Variants in PLCG2 observed in about 807,000 individuals in gnomAD.
PLCG2 encodes 1-phosphatidylinositol 4,5-bisphosphate phosphodiesterase gamma-2.
In PLCG2, 69 loss-of-function variants were observed where a neutral mutation model predicts 175.6. That is an observed-to-expected ratio of 0.39 (90% CI 0.32 to 0.48). The LOEUF is 0.48. PLCG2 is among the 20% of genes least tolerant of loss of function. The pLI is 0.91. For missense variants in PLCG2, 1,798 were observed against 1,650.9 expected, an observed-to-expected ratio of 1.09 and a Z score of -1.54; for synonymous variants, 827 against 624.0, an observed-to-expected ratio of 1.33 and a Z score of -4.85.
chr16:81,849,870 T>C (rs965677274), intron 2 of PLCG2, among the ~76,000 whole-genome samples: 1 of 151,466 alleles, frequency 6.6e-6, no homozygotes, highest in African/African-American at 2.4e-5. Flanking sequence ...GAGAAAAGAA[T>C]GTTTGCTTAA....
intron 2 of PLCG2, among the ~76,000 whole-genome samples, chr16:81,834,566 T>C (rs1221429270): frequency 6.8e-6 from 1 of 146,038 alleles, no homozygotes; most frequent in Non-Finnish European, 1.5e-5. Context: ...ACTCGTCACG[T>C]GGTTGATAGA....
chr16:81,883,245 T>C (rs377097143), intron 8 of PLCG2, 24 bp from the exon 9 acceptor site: 1 of 1,609,924 alleles, frequency 6.2e-7, no homozygotes, highest in Non-Finnish European at 8.5e-7. Flanking sequence ...TGTCTCTAAC[T>C]GCACCCCCTT....
chr16:81,776,260 C>A (rs7498610), upstream of PLCG2, among the ~76,000 whole-genome samples: 3 of 150,212 alleles, frequency 2.0e-5, no homozygotes, highest in East Asian at 5.9e-4. Context: ...AGGCACCCAC[C>A]ACCAGGCCAG....
intron 1 of PLCG2, among the ~76,000 whole-genome samples, chr16:81,781,910 C>T (rs1460430889): frequency 2.1e-5 from 3 of 139,562 alleles, no homozygotes; most frequent in Non-Finnish European, 4.6e-5. Context: ...CTTGCTCTGT[C>T]GCCCAGGCTG....
intron 10 of PLCG2, among the ~76,000 whole-genome samples, chr16:81,890,150 G>C (rs1005100234): frequency 1.3e-5 from 2 of 152,172 alleles, no homozygotes; most frequent in African/African-American, 2.4e-5. Flanking sequence ...TTAAACCACA[G>C]TGATGTTATC....
In PLCG2 at chr16:81,753,342, GTTTTTTTTTTTT is replaced by G. The variant is rs34438350; in HGVS notation, c.-144-2515_-144-2504del. Among the ~76,000 whole-genome samples, 6 of 91,124 alleles carry G rather than the reference GTTTTTTTTTTTT, an allele frequency of 6.6e-5. No homozygotes were observed. The East Asian group carries it at 1.2e-3, about 19-fold the overall frequency. The allele number at this position is 91,124 out of a possible 152,430, so 59.8% of individuals were successfully genotyped here. A position where few individuals can be genotyped will look rare whatever the true frequency, so the allele number is the denominator to read the frequency against. ...CAGCATTGTGTTAAAGTCCTGGCAG[GTTTTTTTTTTTT>G]TTTTTTTTTTTTGTATTCTGGTTAA... On this transcript the variant is annotated intron_variant, in intron 1 of 5. Transcript: ENST00000565054.
chr16:81,855,995 T>C (rs34107670), intron 3 of PLCG2, among the ~76,000 whole-genome samples: 40,291 of 152,098 alleles, frequency 0.26, 5,761 homozygotes, highest in Non-Finnish European at 0.32. Context: ...CTGTTCTTAA[T>C]TTGGTAAGGA....
At chr16:81,903,645 T>A (rs1909243758) in intron 14 of PLCG2, among the ~76,000 whole-genome samples, 1 of 152,138 alleles carries the variant, frequency 6.6e-6, no homozygotes, top group African/African-American at 2.4e-5. Context: ...GAAGGCAGGA[T>A]AAGGGGTGGA....
intron 14 of PLCG2, among the ~76,000 whole-genome samples, chr16:81,902,061 C>G (rs7193188): frequency 0.33 from 50,656 of 152,078 alleles, 8,654 homozygotes; most frequent in Middle Eastern, 0.39. Flanking sequence ...CACGGGAAGT[C>G]CAAGGGTGTC....
chr16:81,843,939 C>G (rs1217918019), intron 2 of PLCG2, among the ~76,000 whole-genome samples: 1 of 151,852 alleles, frequency 6.6e-6, no homozygotes, highest in Non-Finnish European at 1.5e-5. Context: ...GTTTCCTTTT[C>G]CTTTTTCCTT....
At chr16:81,893,909 G>A in intron 12 of PLCG2, 115 bp downstream of exon 12, 2 of 619,540 alleles carry the variant, frequency 3.2e-6, no homozygotes, top group South Asian at 1.9e-5. Flanking sequence ...CATAATAACT[G>A]TGCATATTTA....
chr16:81,911,496 G>A (rs1244706534), intron 18 of PLCG2, among the ~76,000 whole-genome samples: 1 of 152,104 alleles, frequency 6.6e-6, no homozygotes. Flanking sequence ...GGAGTGCAGT[G>A]GAACAATCAC....
Position 81,910,781 on chromosome 16 carries a change from G to C in PLCG2, c.1934+61G>C. On this transcript the variant is annotated intron_variant, in intron 18 of 32. Coordinates refer to ENST00000564138, the MANE Select transcript of PLCG2 (RefSeq NM_002661.5). ...GGTCGGGTTAGCTCCACCAGGCAGA[G>C]AAGCTGGCCTGGTGGTTCAGCCGGG... 4 of 1,484,922 alleles carry C rather than the reference G, an allele frequency of 2.7e-6. No homozygotes were observed. The South Asian group carries it at 4.5e-5, about 17-fold the overall frequency. 92.0% of individuals were successfully genotyped at this position (1,484,922 alleles called of 1,614,324 possible).
chr16:81,774,455 C>A (rs1296854203), upstream of PLCG2, among the ~76,000 whole-genome samples: 1 of 152,222 alleles, frequency 6.6e-6, no homozygotes, highest in Non-Finnish European at 1.5e-5. Context: ...AGGCCTAACC[C>A]CATTGAAAGC....
intron 2 of PLCG2, among the ~76,000 whole-genome samples, chr16:81,808,659 A>C (rs1373648510): frequency 6.6e-6 from 1 of 152,020 alleles, no homozygotes; most frequent in Admixed American, 6.6e-5. Flanking sequence ...ACGCCTGGCT[A>C]ATTTTTTCTA....
chr16:81,942,981 AGAAGGTACAT>A (rs973141134), intron 30 of PLCG2, among the ~76,000 whole-genome samples: 2 of 151,952 alleles, frequency 1.3e-5, no homozygotes, highest in Non-Finnish European at 2.9e-5. Flanking sequence ...GGGCAGCGAG[AGAAGGTACAT>A]AGAGCTGGAG....
intron 2 of PLCG2, among the ~76,000 whole-genome samples, chr16:81,768,081 G>A (rs1400764286): frequency 6.6e-6 from 1 of 152,072 alleles, no homozygotes; most frequent in Non-Finnish European, 1.5e-5. Context: ...GTACAGATGG[G>A]GTTTCACCAT....
At chr16:81,807,756 A>G (rs1904288275) in intron 2 of PLCG2, among the ~76,000 whole-genome samples, 1 of 152,180 alleles carries the variant, frequency 6.6e-6, no homozygotes, top group Non-Finnish European at 1.5e-5. Flanking sequence ...ACAGTTCAGC[A>G]TGGCTGGAGG....
chr16:81,800,517 C>T (rs1320790186), intron 2 of PLCG2, among the ~76,000 whole-genome samples: 2 of 152,170 alleles, frequency 1.3e-5, no homozygotes, highest in Non-Finnish European at 2.9e-5. Flanking sequence ...CTTCCAGCTT[C>T]ATCTATGTCC....
Sources: allele counts gnomAD v4.1 joint callset (sites outside exome capture counted in the v4.1 genomes callset), GRCh38; gene constraint gnomAD v4.1.1; transcripts MANE v1.5; gene names NCBI Gene and HGNC (gene_info 2026-07-23, HGNC 2026-07-21).